The following INTS6 variants were observed in gnomAD, a reference collection of about 807,000 sequenced individuals.
INTS6 encodes the protein DEAD box protein.
Under a neutral mutation model 104.9 loss-of-function variants are expected in INTS6, and 16 were observed. The ratio of observed to expected loss-of-function variants is 0.15; its 90% CI spans 0.10 to 0.23. The LOEUF is 0.23. INTS6 is among the 10% of genes least tolerant of loss of function. The pLI, the probability that INTS6 is intolerant of heterozygous loss-of-function variation, is 1.00. For missense variants in INTS6, 584 were observed against 1,062.8 expected (o/e 0.55, Z 6.26); for synonymous variants, 324 against 358.7 (o/e 0.90, Z 1.09).
At chr13:51,360,702 T>C (rs114551522), downstream of INTS6, among the ~76,000 whole-genome samples, 207 of 152,204 alleles carry the variant, frequency 1.4e-3, 1 homozygote, top group African/African-American at 4.9e-3. Flanking sequence ...CACCTAAGTA[T>C]ACAGAATACA....
At position 51,363,660 on chromosome 13, in the gene INTS6, CTAATT is replaced by C. The variant is rs1255979087; in HGVS notation, c.*2087_*2091del. 4 of 151,720 alleles carry C rather than the reference CTAATT, an allele frequency of 2.6e-5. No homozygotes were observed. The highest frequency in any genetic ancestry group is 6.6e-5 in the Admixed American group (1 of 15,206). 9.4% of individuals were successfully genotyped at this position (151,720 alleles called of 1,614,324 possible). ...TGACAATAATTCTACAACAAGTATT[CTAATT>C]TAACTAATATACCCATTTTTTTTTT... On this transcript the variant is annotated 3_prime_UTR_variant, in exon 18 of 18. Coordinates refer to ENST00000311234, the MANE Select transcript of INTS6 (RefSeq NM_012141.3).
intron 13 of INTS6, among the ~76,000 whole-genome samples, chr13:51,375,104 A>G (rs957644516): frequency 6.6e-6 from 1 of 152,056 alleles, no homozygotes; most frequent in African/African-American, 2.4e-5. Flanking sequence ...TAATCCCAGC[A>G]CTTCGGGAGG....
intron 4 of INTS6, among the ~76,000 whole-genome samples, chr13:51,403,105 T>A (rs1593713246): frequency 6.6e-6 from 1 of 152,318 alleles, no homozygotes; most frequent in East Asian, 1.9e-4. Flanking sequence ...TTATTACTTA[T>A]TTTTTAAACT....
At chr13:51,400,132 A>C (rs112537217) in intron 4 of INTS6, among the ~76,000 whole-genome samples, 1,727 of 152,348 alleles carry the variant, frequency 0.011, 26 homozygotes, top group East Asian at 0.07. Context: ...GAGAATCTAA[A>C]TAATGCCTGA....
chr13:51,335,395 C>T, the INTS6 span, among the ~76,000 whole-genome samples: 34 of 152,200 alleles, frequency 2.2e-4, no homozygotes, highest in South Asian at 1.0e-3. Context: ...TATTATGAGA[C>T]GCTCAAAATC....
the INTS6 span, among the ~76,000 whole-genome samples, chr13:51,338,204 G>C: frequency 2.0e-5 from 3 of 152,132 alleles, no homozygotes; most frequent in Non-Finnish European, 4.4e-5. Context: ...GGCAAATAGT[G>C]AATCAGCTGT....
chr13:51,441,554 T>C (rs1055369928), intron 3 of INTS6: 1 of 152,072 alleles, frequency 6.6e-6, no homozygotes, highest in Admixed American at 6.6e-5. Context: ...TAAATGAAAA[T>C]ATGGTAGTTA....
chr13:51,411,114 G>A (rs1483881877), intron 4 of INTS6, among the ~76,000 whole-genome samples: 1 of 151,966 alleles, frequency 6.6e-6, no homozygotes, highest in Admixed American at 6.6e-5. Context: ...TCGGGAGGCT[G>A]AGGCACGAGA....
chr13:51,355,170 T>G, intron 3 of INTS6: 1 of 1,158,874 alleles, frequency 8.6e-7, no homozygotes, highest in Non-Finnish European at 1.3e-6. Flanking sequence ...TTCCAAACGT[T>G]CTAGCCGTGT....
intron 3 of INTS6, among the ~76,000 whole-genome samples, chr13:51,436,244 T>A (rs1952684811): frequency 6.6e-6 from 1 of 152,128 alleles, no homozygotes; most frequent in Non-Finnish European, 1.5e-5. Flanking sequence ...ATTTATTATA[T>A]GTTCAAAACA....
the INTS6 span, among the ~76,000 whole-genome samples, chr13:51,343,605 C>G: frequency 6.6e-6 from 1 of 152,350 alleles, no homozygotes; most frequent in Non-Finnish European, 1.5e-5. Flanking sequence ...CAGCCTTTCA[C>G]TGACATTAAT....
chr13:51,344,202 T>A, the INTS6 span: 1 of 1,378,538 alleles, frequency 7.3e-7, no homozygotes, highest in Non-Finnish European at 1.0e-6. Context: ...TTGTGCTAAC[T>A]CCTTACTCAC....
rs1442473707 is a variant in INTS6 at position 51,388,369 on chromosome 13, T to TG, written c.740-830_740-829insC. On this transcript the variant is annotated intron_variant, in intron 6 of 17. Transcript: ENST00000311234. ...CTCTAAATCTTTGTGTGTGTGTGTG[T>TG]TTTGTTTTTTTTTGTTTTTGTTTTT... 3.8e-3 allele frequency among the ~76,000 whole-genome samples: 565 copies of TG among 149,504 alleles called. 2 individuals are homozygous for TG. Among genetic ancestry groups the TG allele is most frequent in the Middle Eastern group, 0.01 (3 of 288 alleles).
At chr13:51,449,530 T>C in intron 3 of INTS6, 1 of 985,188 alleles carries the variant, frequency 1.0e-6, no homozygotes, top group Middle Eastern at 5.2e-4. Flanking sequence ...TATGTCCAAA[T>C]GCCTTGACCA....
At chr13:51,419,575 C>T (rs1052630085) in intron 4 of INTS6, among the ~76,000 whole-genome samples, 4 of 152,176 alleles carry the variant, frequency 2.6e-5, no homozygotes, top group Non-Finnish European at 5.9e-5. Flanking sequence ...GAGCCAGCTC[C>T]GGCCTCACTT....
At chr13:51,434,529 T>A (rs1883664125) in intron 3 of INTS6, among the ~76,000 whole-genome samples, 1 of 152,102 alleles carries the variant, frequency 6.6e-6, no homozygotes, top group Non-Finnish European at 1.5e-5. Context: ...TAGTCAAGAA[T>A]CACACTAAGA....
chr13:51,346,996 C>T, the INTS6 span: 1 of 1,522,168 alleles, frequency 6.6e-7, no homozygotes, highest in Non-Finnish European at 8.9e-7. Context: ...CACATTTAAC[C>T]CATGGCCACC....
At chr13:51,357,459 C>T (rs1955497049), downstream of INTS6, among the ~76,000 whole-genome samples, 1 of 152,124 alleles carries the variant, frequency 6.6e-6, no homozygotes, top group Non-Finnish European at 1.5e-5. Flanking sequence ...CGAGGGATTA[C>T]CAAGCAGTTT....
chr13:51,366,367 T>C (rs538369335), intron 17 of INTS6, among the ~76,000 whole-genome samples: 38 of 152,130 alleles, frequency 2.5e-4, no homozygotes, highest in African/African-American at 8.7e-4. Context: ...AAATCAAGGA[T>C]AGACATCTAT....
Sources: gnomAD v4.1 joint callset for allele counts (sites outside exome capture counted in the v4.1 genomes callset) on GRCh38, gnomAD v4.1.1 for gene constraint, MANE v1.5 for transcripts, NCBI Gene and HGNC (gene_info 2026-07-23, HGNC 2026-07-21) for gene names.